Variants in ACTR3B observed in about 807,000 individuals in gnomAD.
The protein encoded by ACTR3B is actin related protein 3B.
A neutral mutation model predicts 59.0 loss-of-function variants in ACTR3B; 8 were observed. The ratio of observed to expected loss-of-function variants is 0.14; its 90% CI spans 0.08 to 0.24. ACTR3B has a LOEUF of 0.24. Among genes scored for constraint, ACTR3B ranks in the 10% least tolerant of loss-of-function variants. The probability of loss-of-function intolerance (pLI) is 1.00; values close to 1 mark genes in which losing one functional copy is unlikely to be tolerated. For synonymous variants in ACTR3B, 148 were observed against 197.9 expected (o/e 0.75, Z 2.12); for missense variants, 245 against 552.3 (o/e 0.44, Z 5.58).
chr7:152,852,855 G>A (rs1191200022), intron 10 of ACTR3B, among the ~76,000 whole-genome samples: 1 of 150,858 alleles, frequency 6.6e-6, no homozygotes, highest in Non-Finnish European at 1.5e-5. Flanking sequence ...GCAGTGGTGA[G>A]ATCTCGGCTC....
intron 2 of ACTR3B, among the ~76,000 whole-genome samples, chr7:152,798,804 G>A (rs1470114131): frequency 3.3e-5 from 5 of 152,134 alleles, no homozygotes; most frequent in Non-Finnish European, 7.4e-5. Flanking sequence ...AATCAGTTGA[G>A]TGTAAATACA....
At chr7:152,820,929 T>G (rs2116855685) in intron 7 of ACTR3B, among the ~76,000 whole-genome samples, 1 of 152,326 alleles carries the variant, frequency 6.6e-6, no homozygotes, top group South Asian at 2.1e-4. Context: ...TTGATGGGGG[T>G]GAGCCCAACA....
chr7:152,789,438 C>G (rs1020279903), intron 2 of ACTR3B, among the ~76,000 whole-genome samples: 1 of 150,638 alleles, frequency 6.6e-6, no homozygotes, highest in Non-Finnish European at 1.5e-5. Context: ...TTTTTGCTAG[C>G]TTTATTTTTA....
At chr7:152,814,692 G>A in intron 5 of ACTR3B, 47 bp downstream of exon 5, 1 of 1,487,282 alleles carries the variant, frequency 6.7e-7, no homozygotes, top group Non-Finnish European at 9.2e-7. Flanking sequence ...GAGCTGTCTA[G>A]TAGCGGAAGA....
intron 7 of ACTR3B, among the ~76,000 whole-genome samples, chr7:152,822,900 T>C (rs1450939272): frequency 6.6e-6 from 1 of 152,160 alleles, no homozygotes; most frequent in East Asian, 1.9e-4. Flanking sequence ...AAGAAGCCGC[T>C]GCAGTCAGGT....
chr7:152,802,015 G>C (rs2098238373), intron 4 of ACTR3B, among the ~76,000 whole-genome samples: 1 of 152,102 alleles, frequency 6.6e-6, no homozygotes, highest in Non-Finnish European at 1.5e-5. Flanking sequence ...GAGCTCTTCT[G>C]TTTGTTCCCC....
chr7:152,773,534 TGGA>T (rs2098129227), intron 1 of ACTR3B, among the ~76,000 whole-genome samples: 1 of 150,486 alleles, frequency 6.6e-6, no homozygotes. Context: ...TTGCAGGGAG[TGGA>T]GATCATGATA....
chr7:152,800,696 A>G (rs1287114158), intron 3 of ACTR3B, 41 bp downstream of exon 3: 2 of 1,590,134 alleles, frequency 1.3e-6, no homozygotes, highest in Admixed American at 1.8e-5. Flanking sequence ...AGTGTAGAGT[A>G]GTAGGATGAG....
intron 9 of ACTR3B, among the ~76,000 whole-genome samples, chr7:152,850,074 T>C (rs1472706315): frequency 1.3e-5 from 2 of 151,418 alleles, no homozygotes; most frequent in Admixed American, 1.3e-4. Context: ...GTCAGATCAC[T>C]GGTGGCTTCT....
chr7:152,852,668 A>T (rs1332397254), intron 10 of ACTR3B, among the ~76,000 whole-genome samples: 1 of 152,232 alleles, frequency 6.6e-6, no homozygotes, highest in African/African-American at 2.4e-5. Context: ...TTCCTCCAAG[A>T]TAGTAATTCT....
intron 1 of ACTR3B, among the ~76,000 whole-genome samples, chr7:152,766,071 G>A (rs1434027978): frequency 6.6e-6 from 1 of 152,100 alleles, no homozygotes; most frequent in Non-Finnish European, 1.5e-5. Flanking sequence ...AGCTCTTCAT[G>A]TATTAAGGTC....
intron 2 of ACTR3B, among the ~76,000 whole-genome samples, chr7:152,789,813 CTAGTGATAACTGTA>C (rs1419174242): frequency 6.6e-6 from 1 of 152,040 alleles, no homozygotes; most frequent in Non-Finnish European, 1.5e-5. Context: ...TAGTACTCTA[CTAGTGATAACTGTA>C]GGTTTTTGTG....
intron 1 of ACTR3B, among the ~76,000 whole-genome samples, chr7:152,781,839 C>T (rs2098155069): frequency 6.6e-6 from 1 of 152,038 alleles, no homozygotes; most frequent in Non-Finnish European, 1.5e-5. Flanking sequence ...TGTGGTAGGT[C>T]CACTTGGCCT....
chr7:152,853,045 C>T (rs930849474), intron 10 of ACTR3B, among the ~76,000 whole-genome samples: 5 of 152,082 alleles, frequency 3.3e-5, no homozygotes, highest in African/African-American at 1.2e-4. Flanking sequence ...TGCGCCTCGG[C>T]CTCCCAAAGT....
chr7:152,823,221 T>C (rs1563131852), intron 7 of ACTR3B, 121 bp from the exon 8 acceptor site: 1 of 1,391,568 alleles, frequency 7.2e-7, no homozygotes, highest in East Asian at 2.4e-5. Context: ...ACACTAGAGT[T>C]ACGGTGGGGG....
Position 152,825,098 on chromosome 7 carries a change from C to T in ACTR3B, c.927C>T (p.Ile309=), listed in dbSNP as rs148057433. ...ATGAAGTAATACAGAACTGCCCCAT[C>T]GATGTGCGGCGCCCGCTGTATAAGG... ...VVDEVIQNCP[I]DVRRPLYKNV... is the part of the protein sequence containing the mutation. The change falls in exon 9 of 12, where the codon ATC becomes ATT. Residue 309 remains isoleucine (I), a synonymous_variant. Coordinates refer to ENST00000256001, the MANE Select transcript of ACTR3B (RefSeq NM_020445.6). 375 of 1,613,738 alleles carry T rather than the reference C, an allele frequency of 2.3e-4. 1 individual carries two copies. The African/African-American group carries it at 4.4e-3, about 19-fold the overall frequency.
At chr7:152,849,963 A>G (rs375704827) in intron 9 of ACTR3B, among the ~76,000 whole-genome samples, 22 of 151,996 alleles carry the variant, frequency 1.4e-4, no homozygotes, top group African/African-American at 5.3e-4. Context: ...GGAAGGCCAG[A>G]TCACTGGTCA....
Position 152,844,690 on chromosome 7 carries a change from T to C in ACTR3B, c.952-7436T>C, listed in dbSNP as rs199621924. Reference sequence around the variant, plus strand: ...TGGCCTTTTTGAAGTTTTCTGAGGATAAATTTTATCTCTCACTATCTTTTT... The same window carrying C: ...TGGCCTTTTTGAAGTTTTCTGAGGACAAATTTTATCTCTCACTATCTTTTT... On this transcript the variant is annotated intron_variant, in intron 9 of 11. Coordinates refer to ENST00000256001, the MANE Select transcript of ACTR3B (RefSeq NM_020445.6). 7.6e-4 allele frequency among the ~76,000 whole-genome samples: 115 copies of C among 151,280 alleles called. 1 individual carries two copies. In the East Asian group the frequency reaches 0.021, roughly 28 times the overall value.
At chr7:152,768,530 G>A (rs2098116361) in intron 1 of ACTR3B, among the ~76,000 whole-genome samples, 1 of 152,162 alleles carries the variant, frequency 6.6e-6, no homozygotes, top group South Asian at 2.1e-4. Flanking sequence ...AGGCTGGAGT[G>A]CAATGGAGCG....
Sources: allele counts gnomAD v4.1 joint callset (sites outside exome capture counted in the v4.1 genomes callset), GRCh38; gene constraint gnomAD v4.1.1; transcripts MANE v1.5; gene names NCBI Gene and HGNC (gene_info 2026-07-23, HGNC 2026-07-21).